TTC8: variants seen among roughly 807,000 people sequenced by gnomAD.
The protein encoded by TTC8 is tetratricopeptide repeat protein 8.
In TTC8, 47 loss-of-function variants were observed where a neutral mutation model predicts 72.5. The ratio of observed to expected loss-of-function variants is 0.65; its 90% CI spans 0.51 to 0.83. The LOEUF (loss-of-function observed/expected upper bound fraction) is 0.83. TTC8 is among the 40% of genes least tolerant of loss of function. The pLI is 0.00. For synonymous variants in TTC8, 199 were observed against 221.4 expected (o/e 0.90, Z 0.90); for missense variants, 611 against 623.2 (o/e 0.98, Z 0.21).
rs1467933448 is a variant in TTC8, at chr14:88,831,537, A to G, written c.115-2156A>G. 4.6e-5 allele frequency among the ~76,000 whole-genome samples: 7 copies of G among 152,156 alleles called. No homozygotes were observed. In the South Asian group the frequency reaches 6.2e-4, roughly 14 times the overall value. On this transcript the variant is annotated intron_variant, in intron 1 of 14. Transcript: ENST00000380656. ...AAGAACCCTCCTGGGCTAAGCCCCA[A>G]TTTTGGGGCTCACAGGTCCTGTAAC...
intron 8 of TTC8, among the ~76,000 whole-genome samples, chr14:88,856,317 A>G (rs1267777063): frequency 6.6e-6 from 1 of 152,224 alleles, no homozygotes; most frequent in East Asian, 1.9e-4. Context: ...CTTAAGGTTT[A>G]AGGTTATGAA....
chr14:88,880,128 A>G (rs1169539798), downstream of TTC8: 1 of 152,214 alleles, frequency 6.6e-6, no homozygotes, highest in East Asian at 1.9e-4. Context: ...CCAGAAATCA[A>G]GTGTAGGAAA....
intron 2 of TTC8, chr14:88,833,987 G>A (rs1295511570): frequency 1.0e-5 from 5 of 486,732 alleles, no homozygotes; most frequent in Admixed American, 1.0e-4. Flanking sequence ...AGATGGATTA[G>A]AAGGATATGA....
intron 13 of TTC8, 58 bp from the exon 14 acceptor site, chr14:88,874,968 T>C: frequency 7.5e-7 from 1 of 1,334,876 alleles, no homozygotes. Flanking sequence ...AACACAAATA[T>C]GGTGCTGATA....
At chr14:88,845,682 A>T (rs931322005) in intron 7 of TTC8, among the ~76,000 whole-genome samples, 14 of 152,164 alleles carry the variant, frequency 9.2e-5, no homozygotes, top group Non-Finnish European at 1.5e-4. Flanking sequence ...CCATTTCATA[A>T]ATTAGTAAAT....
At chr14:88,847,817 A>G (rs9944144) in intron 7 of TTC8, among the ~76,000 whole-genome samples, 17,642 of 152,104 alleles carry the variant, frequency 0.12, 2,808 homozygotes, top group African/African-American at 0.35. Context: ...ATTGGTATTT[A>G]TCATGTATAA....
intron 1 of TTC8, among the ~76,000 whole-genome samples, chr14:88,832,175 G>A (rs1444069264): frequency 6.6e-6 from 1 of 152,130 alleles, no homozygotes; most frequent in East Asian, 1.9e-4. Context: ...AGCCCTAAAT[G>A]TATCCCTGAA....
intron 1 of TTC8, chr14:88,831,006 A>G (rs1322175093): frequency 2.3e-6 from 1 of 437,278 alleles, no homozygotes; most frequent in African/African-American, 2.0e-5. Flanking sequence ...CAGAGTGTCT[A>G]GGTTCAAATA....
chr14:88,833,701 T>C lies in TTC8; in HGVS notation c.123T>C (p.Asp41=), dbSNP rs543834936. The change falls in exon 2 of 15, where the codon GAT becomes GAC. Residue 41 remains aspartate (D), a synonymous_variant. Transcript: ENST00000380656. The part of the protein sequence containing the change: ...LEKSPYDQEP[D]PELPVHQAAW... ...TTCTTAATGCTTTCCAGGAACCAGA[T>C]CCTGAATTGCCAGTGCATCAGGTAA... 2.9e-5 allele frequency: 47 copies of C among 1,613,550 alleles called. No homozygotes were observed. The highest frequency in any genetic ancestry group is 3.4e-5 in the Non-Finnish European group (40 of 1,179,738).
chr14:88,832,458 G>A (rs1300602342), intron 1 of TTC8, among the ~76,000 whole-genome samples: 1 of 151,660 alleles, frequency 6.6e-6, no homozygotes, highest in East Asian at 1.9e-4. Context: ...TTTCATTCCT[G>A]CCTTACTATG....
chr14:88,841,100 G>T lies in TTC8; in HGVS notation c.393G>T (p.Arg131Ser). The T allele has an allele frequency of 6.2e-7, 1 of 1,614,106 alleles. No homozygotes were observed. ...GFLRPSTQSGRPGTMEQAIRT... is the reference protein window; with the variant it reads ...GFLRPSTQSGSPGTMEQAIRT... Reference sequence around the variant, plus strand: ...TCAGGCCCAGCACGCAGAGTGGAAGGCCAGGCACTATGGAACAGGCTATCA... The same window carrying T: ...TCAGGCCCAGCACGCAGAGTGGAAGTCCAGGCACTATGGAACAGGCTATCA... The change falls in exon 5 of 15, where the codon AGG (arginine) becomes AGT (serine). Residue 131 changes from arginine to serine, a missense_variant. By Grantham distance (110) the Arg-to-Ser change is moderately radical. Transcript: ENST00000380656.
intron 6 of TTC8, 55 bp downstream of exon 6, chr14:88,841,569 A>G (rs993258565): frequency 7.2e-7 from 1 of 1,384,214 alleles, no homozygotes; most frequent in Middle Eastern, 1.9e-4. Flanking sequence ...TATGATGATA[A>G]TGACAAATTA....
At chr14:88,846,775 A>T in intron 7 of TTC8, 1 of 619,526 alleles carries the variant, frequency 1.6e-6, no homozygotes. Flanking sequence ...ATAGTTCTTC[A>T]TGCATATGAA....
chr14:88,858,809 A>G (rs1313065153), intron 9 of TTC8, among the ~76,000 whole-genome samples: 2 of 114,276 alleles, frequency 1.8e-5, no homozygotes, highest in Non-Finnish European at 3.3e-5. Context: ...TGCTGTGTTG[A>G]TAGGCTGGTC....
At chr14:88,844,106 C>T (rs2094794671) in intron 7 of TTC8, among the ~76,000 whole-genome samples, 1 of 152,140 alleles carries the variant, frequency 6.6e-6, no homozygotes, top group African/African-American at 2.4e-5. Context: ...GAGAATACTG[C>T]ATAACATGCT....
rs574883818 is a variant in TTC8 at position 88,848,781 on chromosome 14, A to G, written c.625-4190A>G. The stretch of plus-strand genomic sequence containing the variant: ...CTAGAAGGTATTACTTAAACATTAA[A>G]GTGGTAGTATTTTGAGGTTAAGATG... On this transcript the variant is annotated intron_variant, in intron 7 of 14. Transcript: ENST00000380656. 1.4e-4 allele frequency among the ~76,000 whole-genome samples: 21 copies of G among 152,318 alleles called. No individual in the cohort carries two copies. The East Asian group carries it at 3.1e-3, about 22-fold the overall frequency.
At chr14:88,857,438 C>T (rs972672781) in intron 9 of TTC8, among the ~76,000 whole-genome samples, 161 bp downstream of exon 9, 7 of 151,976 alleles carry the variant, frequency 4.6e-5, no homozygotes, top group Admixed American at 6.6e-5. Flanking sequence ...AAAATGAGAA[C>T]GTATAGAGGG....
chr14:88,824,820 A>G lies in TTC8; in HGVS notation c.113A>G (p.Gln38Arg), dbSNP rs1224545398. ...ATGCTGGAGAAGTCCCCTTATGACC[A>G]GGTACCGGCCAGCTCCCGTCAGCCT... Reference protein sequence around the residue: ...TQMLEKSPYDQEPDPELPVHQ... With the variant: ...TQMLEKSPYDREPDPELPVHQ... The change falls in exon 1 of 15, where the codon CAG becomes CGG. Residue 38 changes from glutamine (Q) to arginine (R), a missense_variant and splice_region_variant. Coordinates refer to ENST00000380656, the MANE Select transcript of TTC8 (RefSeq NM_144596.4). 1.2e-6 allele frequency: 2 copies of G among 1,611,950 alleles called. No homozygotes were observed. The highest frequency in any genetic ancestry group is 1.7e-6 in the Non-Finnish European group (2 of 1,178,828).
chr14:88,857,068 T>C, intron 8 of TTC8, 122 bp from the exon 9 acceptor site: 1 of 847,116 alleles, frequency 1.2e-6, no homozygotes, highest in East Asian at 2.5e-5. Context: ...TTTATGTGTA[T>C]GTGCAACATT....
Sources: allele counts gnomAD v4.1 joint callset (sites outside exome capture counted in the v4.1 genomes callset), GRCh38; gene constraint gnomAD v4.1.1; transcripts MANE v1.5; gene names NCBI Gene and HGNC (gene_info 2026-07-23, HGNC 2026-07-21).